PRKCH: variants seen among roughly 807,000 people sequenced by gnomAD.
PRKCH encodes the protein protein kinase C eta type.
In PRKCH, 28 loss-of-function variants were observed where a neutral mutation model predicts 82.5. The ratio of observed to expected loss-of-function variants is 0.34; its 90% CI spans 0.25 to 0.47. PRKCH has a LOEUF of 0.47. Among genes scored for constraint, PRKCH ranks in the 20% least tolerant of loss-of-function variants. The pLI is 1.00. For missense variants in PRKCH, 705 were observed against 881.8 expected, an observed-to-expected ratio of 0.80 and a Z score of 2.54; for synonymous variants, 322 against 327.4, an observed-to-expected ratio of 0.98 and a Z score of 0.18.
intron 1 of PRKCH, among the ~76,000 whole-genome samples, chr14:61,275,121 C>G (rs2045190498): frequency 6.6e-6 from 1 of 152,178 alleles, no homozygotes; most frequent in Non-Finnish European, 1.5e-5. Flanking sequence ...TTATTAAAAT[C>G]ATAACAAGTA....
chr14:61,495,190 A>G (rs118140787), intron 10 of PRKCH, among the ~76,000 whole-genome samples: 64 of 152,348 alleles, frequency 4.2e-4, no homozygotes, highest in Non-Finnish European at 7.2e-4. Flanking sequence ...CAGTTTCTCA[A>G]AGGACCTAAC....
chr14:61,438,225 T>C (rs749344350), intron 2 of PRKCH, among the ~76,000 whole-genome samples: 1 of 152,120 alleles, frequency 6.6e-6, no homozygotes, highest in South Asian at 2.1e-4. Context: ...CAAACTCTCT[T>C]GTCTGTCGTC....
chr14:61,256,568 C>T (rs950618829), intron 1 of PRKCH, among the ~76,000 whole-genome samples: 5 of 152,130 alleles, frequency 3.3e-5, no homozygotes, highest in African/African-American at 9.7e-5. Context: ...ATCCTAAACT[C>T]GCCCCGCATC....
At chr14:61,510,932 C>T (rs570276601) in intron 10 of PRKCH, among the ~76,000 whole-genome samples, 1 of 152,106 alleles carries the variant, frequency 6.6e-6, no homozygotes, top group South Asian at 2.1e-4. Context: ...GGAAGTAAAC[C>T]CAGGCAAGAG....
At chr14:61,322,869 G>T (rs2045647749) in intron 1 of PRKCH, 1 of 187,146 alleles carries the variant, frequency 5.3e-6, no homozygotes, top group Admixed American at 5.3e-5. Context: ...CTACTTAGGA[G>T]AAAGCCGTAC....
intron 1 of PRKCH, among the ~76,000 whole-genome samples, chr14:61,234,408 G>A (rs1000340838): frequency 2.0e-5 from 3 of 152,062 alleles, no homozygotes; most frequent in Non-Finnish European, 4.4e-5. Context: ...GAATTGCATA[G>A]TCATCCCGGC....
Position 61,280,907 on chromosome 14 carries a change from C to T in PRKCH, c.-19+93239C>T. The T allele has an allele frequency of 6.5e-7, 1 of 1,545,584 alleles. No homozygotes were observed. Among genetic ancestry groups the T allele is most frequent in the Non-Finnish European group, 8.7e-7 (1 of 1,151,198 alleles). The stretch of plus-strand genomic sequence containing the variant: ...GGCAGCGCCCGGCCCTGGCCAGCCG[C>T]GGCGCACACCGAGCAGTTACCGGTG... On this transcript the variant is annotated intron_variant, in intron 1 of 3. Coordinates refer to the PRKCH transcript ENST00000555185. This position sits in a 1 kb window ranked among gnomAD's most constrained non-coding sequence, Gnocchi z 5.0.
intron 10 of PRKCH, among the ~76,000 whole-genome samples, chr14:61,510,061 G>T (rs1028154276): frequency 6.6e-6 from 1 of 152,132 alleles, no homozygotes; most frequent in African/African-American, 2.4e-5. Flanking sequence ...ATAGCGACAG[G>T]GACAGAGGCG....
At chr14:61,512,492 T>C (rs1327086275) in intron 10 of PRKCH, among the ~76,000 whole-genome samples, 5 of 152,178 alleles carry the variant, frequency 3.3e-5, no homozygotes, top group Non-Finnish European at 5.9e-5. Flanking sequence ...ATGATGGGAA[T>C]TGCATTCTTT....
chr14:61,453,263 C>T lies in PRKCH; in HGVS notation c.870C>T (p.Asn290=), dbSNP rs373086387. 2.5e-5 allele frequency: 41 copies of T among 1,614,066 alleles called. No homozygotes were observed. Among genetic ancestry groups the T allele is most frequent in the Non-Finnish European group, 2.9e-5 (34 of 1,180,032 alleles). The change falls in exon 7 of 14, where the codon AAC becomes AAT. Residue 290 remains asparagine, a synonymous_variant. Coordinates refer to ENST00000332981, the MANE Select transcript of PRKCH (RefSeq NM_006255.5). Reference sequence around the variant, plus strand: ...ATGTGCATATTCGATGTCAAGCGAACGTGGCCCCTAACTGTGGGGTAAATG... The same window carrying T: ...ATGTGCATATTCGATGTCAAGCGAATGTGGCCCCTAACTGTGGGGTAAATG... ...KMNVHIRCQA[N]VAPNCGVNAV... is the part of the protein sequence containing the mutation.
At chr14:61,314,442 A>G (rs2045546623) in intron 1 of PRKCH, among the ~76,000 whole-genome samples, 3 of 152,358 alleles carry the variant, frequency 2.0e-5, no homozygotes, top group African/African-American at 4.8e-5. Context: ...ACATACATAA[A>G]ATATTTAACC....
intron 1 of PRKCH, among the ~76,000 whole-genome samples, chr14:61,336,361 A>T (rs1420584274): frequency 6.6e-6 from 1 of 152,174 alleles, no homozygotes; most frequent in Non-Finnish European, 1.5e-5. Flanking sequence ...AATCACAGGG[A>T]TTGGGGGTAA....
chr14:61,480,452 T>G (rs1171952682), intron 9 of PRKCH, among the ~76,000 whole-genome samples: 1 of 152,214 alleles, frequency 6.6e-6, no homozygotes, highest in Non-Finnish European at 1.5e-5. Flanking sequence ...TTGCCTCCTT[T>G]TAGAGCTTCA....
At chr14:61,418,606 C>G (rs994179188) in intron 2 of PRKCH, among the ~76,000 whole-genome samples, 1 of 152,152 alleles carries the variant, frequency 6.6e-6, no homozygotes, top group African/African-American at 2.4e-5. Flanking sequence ...TAGCAGGAGG[C>G]CTTTGTGATA....
chr14:61,323,461 C>G (rs554945432), intron 1 of PRKCH, among the ~76,000 whole-genome samples: 1 of 152,264 alleles, frequency 6.6e-6, no homozygotes, highest in South Asian at 2.1e-4. Flanking sequence ...TGAAGACTCT[C>G]AGGAGTTTAA....
chr14:61,188,360 G>GC (rs371533069), intron 1 of PRKCH, among the ~76,000 whole-genome samples: 1 of 152,104 alleles, frequency 6.6e-6, no homozygotes, highest in Admixed American at 6.5e-5. Context: ...TTCTGCCCCC[G>GC]CCCACAGCCT....
intron 1 of PRKCH, among the ~76,000 whole-genome samples, chr14:61,385,732 A>G (rs1335109956): frequency 6.6e-6 from 1 of 152,210 alleles, no homozygotes; most frequent in African/African-American, 2.4e-5. Context: ...GAAGTTGCTG[A>G]GAGTTTGAGA....
At chr14:61,218,786 C>T (rs1461063703) in intron 1 of PRKCH, among the ~76,000 whole-genome samples, 1 of 152,190 alleles carries the variant, frequency 6.6e-6, no homozygotes, top group Non-Finnish European at 1.5e-5. Context: ...AGTGATTTCT[C>T]CAGTGCTCCC....
intron 1 of PRKCH, among the ~76,000 whole-genome samples, chr14:61,221,619 G>A (rs1054428598): frequency 6.6e-6 from 1 of 152,072 alleles, no homozygotes; most frequent in African/African-American, 2.4e-5. Flanking sequence ...TCTGTAGCTG[G>A]CACTCTGTTC....
Sources: gnomAD v4.1 joint callset for allele counts (sites outside exome capture counted in the v4.1 genomes callset) on GRCh38, gnomAD v4.1.1 for gene constraint, Gnocchi (gnomAD v3.1) non-coding constraint, MANE v1.5 for transcripts, NCBI Gene and HGNC (gene_info 2026-07-23, HGNC 2026-07-21) for gene names.